RCC2: variants seen among roughly 807,000 people sequenced by gnomAD.
RCC2 encodes the protein regulator of chromosome condensation 2, also known as protein RCC2.
RCC2 carries 19 observed loss-of-function variants against 64.1 expected under a neutral mutation model. That is an observed-to-expected ratio of 0.30 (90% CI 0.21 to 0.44). RCC2 has a LOEUF of 0.44. Among genes scored for constraint, RCC2 ranks in the 20% least tolerant of loss-of-function variants. The pLI is 1.00. For synonymous variants in RCC2, 325 were observed against 279.6 expected (o/e 1.16, Z -1.62); for missense variants, 508 against 710.4 (o/e 0.72, Z 3.24).
intron 2 of RCC2, among the ~76,000 whole-genome samples, chr1:17,437,860 C>T (rs1357520345): frequency 6.9e-5 from 10 of 145,266 alleles, no homozygotes; most frequent in Admixed American, 1.4e-4. Context: ...CCAGGCCGGG[C>T]GAACTTACCG....
Position 17,409,169 on chromosome 1 carries a change from A to T in RCC2, c.1490T>A (p.Leu497Ter). The change falls in exon 13 of 13, where the codon TTG becomes TAG. Residue 497 changes from leucine (L) to a stop codon, truncating the protein, a stop_gained. Coordinates refer to ENST00000375436, the MANE Select transcript of RCC2 (RefSeq NM_018715.4). LOFTEE classifies it high-confidence loss of function. ...CTCACTTTCATCTCTTGCTATCACC[A>T]AGGAGTGTGAGTAGCCCATGGCGAC... ...EQVAMGYSHSLVIARDESETE... is the reference protein window; with the variant it reads ...EQVAMGYSHS The T allele has an allele frequency of 6.2e-7, 1 of 1,613,898 alleles. No homozygotes were observed. The highest frequency in any genetic ancestry group is 8.5e-7 in the Non-Finnish European group (1 of 1,179,844).
At chr1:17,423,144 G>A (rs1300539939) in intron 4 of RCC2, among the ~76,000 whole-genome samples, 2 of 152,250 alleles carry the variant, frequency 1.3e-5, no homozygotes, top group East Asian at 1.9e-4. Context: ...TGCACAGGCG[G>A]GCATGCTCGC....
chr1:17,412,434 G>A (rs1263838153), intron 10 of RCC2, among the ~76,000 whole-genome samples: 1 of 152,236 alleles, frequency 6.6e-6, no homozygotes, highest in African/African-American at 2.4e-5. Context: ...AAAGGCAGGG[G>A]ACCTTGCTGT....
At chr1:17,409,841 G>T (rs1037540861) in intron 12 of RCC2, 133 bp downstream of exon 12, 8 of 775,440 alleles carry the variant, frequency 1.0e-5, no homozygotes, top group Admixed American at 3.9e-5. Context: ...AAATCTTAGC[G>T]TGAGACACCA....
At chr1:17,433,390 G>T (rs1027484660) in intron 2 of RCC2, among the ~76,000 whole-genome samples, 1 of 152,214 alleles carries the variant, frequency 6.6e-6, no homozygotes, top group Non-Finnish European at 1.5e-5. Context: ...TCGTGGGAGA[G>T]ACTCCCGCGC....
chr1:17,413,190 C>CA lies in RCC2; in HGVS notation c.1208-13dup. 6.3e-7 allele frequency: 1 copy of CA among 1,578,116 alleles called. No individual in the cohort carries two copies. The highest frequency in any genetic ancestry group is 8.7e-7 in the Non-Finnish European group (1 of 1,147,994). On this transcript the variant is annotated splice_polypyrimidine_tract_variant and intron_variant, in intron 9 of 12. Transcript: ENST00000375436. ...GAAAAACAGACCACCTAAGGGAAGA[C>CA]AAAACATGTTCCCAGCGTGACCAGA...
chr1:17,433,070 G>A (rs906248077), intron 2 of RCC2, among the ~76,000 whole-genome samples: 3 of 152,060 alleles, frequency 2.0e-5, no homozygotes, highest in South Asian at 2.1e-4. Flanking sequence ...ACATATATAC[G>A]TGTGTATGTG....
chr1:17,418,691 G>A (rs2075518079), intron 7 of RCC2, among the ~76,000 whole-genome samples: 1 of 152,094 alleles, frequency 6.6e-6, no homozygotes. Context: ...TCCCCACTAA[G>A]AAATTCCCCC....
intron 2 of RCC2, among the ~76,000 whole-genome samples, chr1:17,430,228 A>G (rs1166587649): frequency 6.6e-6 from 1 of 152,234 alleles, no homozygotes; most frequent in African/African-American, 2.4e-5. Flanking sequence ...CTTCAGGAAA[A>G]AAGTCTGGCA....
chr1:17,423,277 T>C (rs973157252), intron 4 of RCC2, among the ~76,000 whole-genome samples: 2 of 152,214 alleles, frequency 1.3e-5, no homozygotes, highest in Admixed American at 1.3e-4. Context: ...ATCACTTTGG[T>C]GCTCTGGGCA....
rs2075654989 is a variant in RCC2, at chr1:17,429,757, G to A, written c.286-558C>T. ...ACCAGGCAGAACACAGCTTTGGTGG[G>A]TATGCAGGGGTCTGAATCAGGCGGC... is the stretch of plus-strand genomic sequence containing the variant. On this transcript the variant is annotated intron_variant, in intron 2 of 12. Coordinates refer to ENST00000375436, the MANE Select transcript of RCC2 (RefSeq NM_018715.4). Among the ~76,000 whole-genome samples, 4 of 152,190 alleles carry A rather than the reference G, an allele frequency of 2.6e-5. No individual in the cohort carries two copies. In the South Asian group the frequency reaches 8.3e-4, roughly 31 times the overall value.
intron 8 of RCC2, among the ~76,000 whole-genome samples, chr1:17,415,292 C>A (rs540521567): frequency 1.3e-5 from 2 of 152,320 alleles, no homozygotes; most frequent in African/African-American, 4.8e-5. Flanking sequence ...TGAGCTGAGA[C>A]CACTCAGTGG....
chr1:17,417,447 C>G (rs554618098), intron 7 of RCC2, among the ~76,000 whole-genome samples: 1 of 152,338 alleles, frequency 6.6e-6, no homozygotes, highest in East Asian at 1.9e-4. Context: ...GTGGGTGGAT[C>G]ACCTGAAGTG....
chr1:17,419,463 T>C (rs2100366607), intron 7 of RCC2, among the ~76,000 whole-genome samples: 1 of 152,322 alleles, frequency 6.6e-6, no homozygotes, highest in East Asian at 1.9e-4. Context: ...TTTAGGTTCA[T>C]TCTAAAAGTG....
intron 7 of RCC2, among the ~76,000 whole-genome samples, chr1:17,420,223 C>A (rs1341482596): frequency 6.6e-6 from 1 of 152,158 alleles, no homozygotes; most frequent in Non-Finnish European, 1.5e-5. Flanking sequence ...CCAATGAGAT[C>A]GAAGAAACAA....
chr1:17,438,466 C>T lies in RCC2; in HGVS notation c.49G>A (p.Gly17Ser). The change falls in exon 2 of 13, where the codon GGC becomes AGC. Residue 17 changes from glycine (G) to serine (S), a missense_variant. Gly to Ser is a moderately conservative substitution (Grantham distance 56, BLOSUM62 0). Around this residue, in one of 4 missense-constraint regions of RCC2, gnomAD observed 195 missense variants for 158.3 expected, o/e 1.23. Coordinates refer to ENST00000375436, the MANE Select transcript of RCC2 (RefSeq NM_018715.4). Reference sequence around the variant, plus strand: ...GGCCCGGCGCGGGCAGTGCCGTTGCCCGAGCTCGGCTCCTCCCAGGCCGCC... The same window carrying T: ...GGCCCGGCGCGGGCAGTGCCGTTGCTCGAGCTCGGCTCCTCCCAGGCCGCC... ...AAAAWEEPSSGNGTARAGPRK... is the reference protein window; with the variant it reads ...AAAAWEEPSSSNGTARAGPRK... The T allele has an allele frequency of 7.5e-7, 1 of 1,328,316 alleles. No homozygotes were observed. The highest frequency in any genetic ancestry group is 9.6e-7 in the Non-Finnish European group (1 of 1,043,280). 82.3% of individuals were successfully genotyped at this position (1,328,316 alleles called of 1,614,324 possible). A position where few individuals can be genotyped will look rare whatever the true frequency, so the allele number is the denominator to read the frequency against.
At position 17,438,213 on chromosome 1, in the gene RCC2, C is replaced by A; in HGVS notation, c.285+17G>T. 7.9e-7 allele frequency: 1 copy of A among 1,270,746 alleles called. No individual in the cohort carries two copies. The highest frequency in any genetic ancestry group is 2.0e-5 in the South Asian group (1 of 51,174). The allele number at this position is 1,270,746 out of a possible 1,614,324, so 78.7% of individuals were successfully genotyped here. A position where few individuals can be genotyped will look rare whatever the true frequency, so the allele number is the denominator to read the frequency against. ...CCCCGGCCCTGCGCCCACCCGTCTA[C>A]CCTGACCCTCACTCACGACGCGCTC... On this transcript the variant is annotated intron_variant, in intron 2 of 12. Coordinates refer to ENST00000375436, the MANE Select transcript of RCC2 (RefSeq NM_018715.4).
At chr1:17,410,582 C>T (rs1042593226) in intron 11 of RCC2, among the ~76,000 whole-genome samples, 1 of 152,260 alleles carries the variant, frequency 6.6e-6, no homozygotes, top group East Asian at 1.9e-4. Flanking sequence ...GATGAATTGG[C>T]GCAGCTAAGG....
intron 7 of RCC2, among the ~76,000 whole-genome samples, chr1:17,418,486 G>A (rs531087622): frequency 6.6e-6 from 1 of 152,078 alleles, no homozygotes; most frequent in South Asian, 2.1e-4. Context: ...GTGAAACCCC[G>A]TCTCTACCAA....
Sources: allele counts gnomAD v4.1 joint callset (sites outside exome capture counted in the v4.1 genomes callset), GRCh38; gene constraint gnomAD v4.1.1; regional missense constraint gnomAD v4.1.1; transcripts MANE v1.5; gene names NCBI Gene and HGNC (gene_info 2026-07-23, HGNC 2026-07-21).